GALNTL6: variants seen among roughly 807,000 people sequenced by gnomAD.
The protein encoded by GALNTL6 is polypeptide N-acetylgalactosaminyltransferase like 6, also known as polypeptide N-acetylgalactosaminyltransferase-like 6.
GALNTL6 carries 46 observed loss-of-function variants against 73.7 expected under a neutral mutation model. The observed-to-expected ratio is 0.62, with a 90% confidence interval of 0.49 to 0.80. GALNTL6 has a LOEUF of 0.80. Ranked by LOEUF, GALNTL6 falls within the 30% of genes least tolerant of loss-of-function variation. The pLI, the probability that GALNTL6 is intolerant of heterozygous loss-of-function variation, is 0.00. For missense variants in GALNTL6, 604 were observed against 755.0 expected (o/e 0.80, Z 2.34); for synonymous variants, 259 against 263.7 (o/e 0.98, Z 0.17).
intron 5 of GALNTL6, among the ~76,000 whole-genome samples, chr4:172,585,716 T>C (rs1428701398): frequency 6.6e-6 from 1 of 152,146 alleles, no homozygotes; most frequent in Non-Finnish European, 1.5e-5. Flanking sequence ...GCAATAAGCA[T>C]ACATGTGCAT....
rs867227941 is a variant in GALNTL6, at chr4:172,069,411, A to G, written c.139-160245A>G. ...TACATATGTGTTATATATAACACAT[A>G]TATGTTATATATAACACACATATAA... On this transcript the variant is annotated intron_variant, in intron 2 of 12. Transcript: ENST00000506823. 8.2e-5 allele frequency among the ~76,000 whole-genome samples: 8 copies of G among 97,846 alleles called. 3 individuals carry two copies. The highest frequency in any genetic ancestry group is 2.3e-4 in the African/African-American group (6 of 25,748). 64.2% of individuals were successfully genotyped at this position (97,846 alleles called of 152,430 possible).
chr4:172,127,559 G>A (rs1733337567), intron 2 of GALNTL6, among the ~76,000 whole-genome samples: 1 of 152,202 alleles, frequency 6.6e-6, no homozygotes, highest in Admixed American at 6.5e-5. Flanking sequence ...ATTAGGCTAA[G>A]CTAGTCATCA....
At chr4:172,371,080 C>A (rs554207489) in intron 5 of GALNTL6, among the ~76,000 whole-genome samples, 3 of 152,188 alleles carry the variant, frequency 2.0e-5, no homozygotes, top group Admixed American at 6.5e-5. Context: ...TCTGTAAGTA[C>A]TTTAAGATTT....
intron 10 of GALNTL6, among the ~76,000 whole-genome samples, chr4:172,990,598 C>G (rs1751499199): frequency 6.6e-6 from 1 of 151,968 alleles, no homozygotes; most frequent in Non-Finnish European, 1.5e-5. Flanking sequence ...GACCCAATCT[C>G]CCAAGTTATC....
chr4:171,940,849 AAATAAATAAATAAAT>A (rs1304055133), intron 2 of GALNTL6, among the ~76,000 whole-genome samples: 6 of 143,930 alleles, frequency 4.2e-5, no homozygotes, highest in African/African-American at 1.5e-4. Flanking sequence ...ATAAATAAAT[AAATAAATAAATAAAT>A]ATATAAGTCA....
At chr4:172,841,772 C>T (rs925784877) in intron 7 of GALNTL6, among the ~76,000 whole-genome samples, 14 of 152,146 alleles carry the variant, frequency 9.2e-5, no homozygotes, top group East Asian at 3.8e-4. Context: ...TCTACGTGTG[C>T]GGATTACATT....
intron 2 of GALNTL6, among the ~76,000 whole-genome samples, chr4:171,883,687 G>C (rs960814508): frequency 6.7e-5 from 10 of 149,242 alleles, no homozygotes; most frequent in Non-Finnish European, 1.2e-4. Flanking sequence ...TCGCTCTGTC[G>C]CCCAGGCTGG....
chr4:172,393,872 T>C (rs1743754130), intron 5 of GALNTL6, among the ~76,000 whole-genome samples: 1 of 152,228 alleles, frequency 6.6e-6, no homozygotes, highest in African/African-American at 2.4e-5. Context: ...ATTTTATATT[T>C]ATGTTCAATT....
At chr4:172,785,783 A>T (rs1382699365) in intron 5 of GALNTL6, among the ~76,000 whole-genome samples, 1 of 152,186 alleles carries the variant, frequency 6.6e-6, no homozygotes, top group African/African-American at 2.4e-5. Context: ...CTTATGCAGA[A>T]GGCATTAATC....
intron 2 of GALNTL6, among the ~76,000 whole-genome samples, chr4:171,886,571 C>T (rs1273778649): frequency 1.3e-5 from 2 of 152,066 alleles, no homozygotes; most frequent in Non-Finnish European, 2.9e-5. Context: ...GGGCAATTTA[C>T]AAAAGAGAGA....
chr4:172,075,564 T>C (rs936418950), intron 2 of GALNTL6, among the ~76,000 whole-genome samples: 3 of 152,132 alleles, frequency 2.0e-5, no homozygotes, highest in Non-Finnish European at 4.4e-5. Flanking sequence ...CTCGATCTCC[T>C]GACCTCGCGA....
chr4:172,364,158 G>A (rs1742473578), intron 5 of GALNTL6, among the ~76,000 whole-genome samples: 1 of 152,210 alleles, frequency 6.6e-6, no homozygotes, highest in African/African-American at 2.4e-5. Flanking sequence ...GGTAGCTCAT[G>A]CCTGTATTTT....
intron 5 of GALNTL6, among the ~76,000 whole-genome samples, chr4:172,589,068 A>G (rs1293011018): frequency 3.3e-5 from 5 of 152,194 alleles, no homozygotes; most frequent in Admixed American, 2.0e-4. Context: ...TAAAAGTTAA[A>G]CATTTTATAT....
At chr4:172,801,236 C>T (rs982682355) in intron 5 of GALNTL6, among the ~76,000 whole-genome samples, 1 of 152,124 alleles carries the variant, frequency 6.6e-6, no homozygotes, top group African/African-American at 2.4e-5. Context: ...TGCAGATATG[C>T]TACATTTTTT....
chr4:172,513,387 T>C (rs1734493075), intron 5 of GALNTL6, among the ~76,000 whole-genome samples: 1 of 152,206 alleles, frequency 6.6e-6, no homozygotes, highest in Non-Finnish European at 1.5e-5. Context: ...CTGAGTAGCT[T>C]AATAATCGAA....
At chr4:172,848,291 C>A (rs528553634) in intron 7 of GALNTL6, among the ~76,000 whole-genome samples, 32 of 152,270 alleles carry the variant, frequency 2.1e-4, no homozygotes, top group Middle Eastern at 3.4e-3. Flanking sequence ...TCTAAGCATC[C>A]TTCCTGTCAT....
intron 2 of GALNTL6, among the ~76,000 whole-genome samples, chr4:171,851,102 C>T (rs1033304792): frequency 8.5e-5 from 13 of 152,108 alleles, no homozygotes; most frequent in Admixed American, 2.0e-4. Context: ...AAGATAGGAA[C>T]GAACTTGAAT....
chr4:172,444,750 G>T (rs1269161704), intron 5 of GALNTL6, among the ~76,000 whole-genome samples: 3 of 152,052 alleles, frequency 2.0e-5, no homozygotes, highest in Non-Finnish European at 4.4e-5. Flanking sequence ...AAATTAGGCA[G>T]CAAAATACCT....
intron 2 of GALNTL6, among the ~76,000 whole-genome samples, chr4:172,187,523 A>T (rs912201055): frequency 6.6e-6 from 1 of 152,124 alleles, no homozygotes; most frequent in Non-Finnish European, 1.5e-5. Flanking sequence ...ATTTCAAAAG[A>T]CTTCATTTTT....
Sources: allele counts gnomAD v4.1 joint callset (sites outside exome capture counted in the v4.1 genomes callset), GRCh38; gene constraint gnomAD v4.1.1; transcripts MANE v1.5; gene names NCBI Gene and HGNC (gene_info 2026-07-23, HGNC 2026-07-21).